The following RPS6KA5 variants were observed in gnomAD, a reference collection of about 807,000 sequenced individuals.
RPS6KA5 encodes ribosomal protein S6 kinase A5.
RPS6KA5 carries 27 observed loss-of-function variants against 85.5 expected under a neutral mutation model. The observed-to-expected ratio is 0.32, with a 90% confidence interval of 0.23 to 0.44. RPS6KA5 has a LOEUF of 0.44. Ranked by LOEUF, RPS6KA5 falls within the 20% of genes least tolerant of loss-of-function variation. The pLI is 1.00. For synonymous variants in RPS6KA5, 334 were observed against 348.2 expected (o/e 0.96, Z 0.46); for missense variants, 811 against 980.9 (o/e 0.83, Z 2.31).
Position 90,863,519 on chromosome 14 carries a change from C to T in RPS6KA5, c.*8555G>A, listed in dbSNP as rs1176266654. On this transcript the variant is annotated 3_prime_UTR_variant, in exon 17 of 17. Transcript: ENST00000614987. ...AAATGAAACTGTCATTATTTACAGA[C>T]GATATAACTGTAGACTTAAAGAAAT... 2.0e-5 allele frequency: 3 copies of T among 150,896 alleles called. No individual in the cohort carries two copies. The highest frequency in any genetic ancestry group is 6.6e-5 in the Admixed American group (1 of 15,180). The allele number at this position is 150,896 out of a possible 1,614,324, so 9.3% of individuals were successfully genotyped here. A position where few individuals can be genotyped will look rare whatever the true frequency, so the allele number is the denominator to read the frequency against.
chr14:90,977,631 T>C (rs1012898287), intron 3 of RPS6KA5, among the ~76,000 whole-genome samples: 5 of 152,206 alleles, frequency 3.3e-5, no homozygotes, highest in African/African-American at 1.2e-4. Flanking sequence ...CTTGTCAGCC[T>C]AAACCTGTTC....
At chr14:91,032,597 A>G (rs1342099951) in intron 1 of RPS6KA5, among the ~76,000 whole-genome samples, 1 of 152,232 alleles carries the variant, frequency 6.6e-6, no homozygotes, top group African/African-American at 2.4e-5. Flanking sequence ...GGGGCAACAC[A>G]TCTAGTTGGA....
At chr14:90,954,465 G>A (rs2038395219) in intron 3 of RPS6KA5, among the ~76,000 whole-genome samples, 1 of 152,214 alleles carries the variant, frequency 6.6e-6, no homozygotes, top group Non-Finnish European at 1.5e-5. Flanking sequence ...CCAGACTGGA[G>A]TGCAGTGGCA....
intron 2 of RPS6KA5, among the ~76,000 whole-genome samples, chr14:90,983,787 T>TC (rs2039917681): frequency 1.5e-4 from 20 of 129,410 alleles, no homozygotes; most frequent in Admixed American, 5.8e-4. Context: ...CTTTCTTTCT[T>TC]TCTCTCTCTC....
chr14:90,887,676 G>A (rs2034311954), intron 14 of RPS6KA5, among the ~76,000 whole-genome samples: 1 of 152,050 alleles, frequency 6.6e-6, no homozygotes, highest in South Asian at 2.1e-4. Flanking sequence ...TTTAAATTAA[G>A]CTGGGCACTG....
rs534025790 is a variant in RPS6KA5 at position 90,917,276 on chromosome 14, G to C, written c.806+2930C>G. ...AAGAAGTACTGCTCACTTAACTTTG[G>C]CATTAAATAAATTGAAACAGTGAGA... On this transcript the variant is annotated intron_variant, in intron 7 of 16. Transcript: ENST00000614987. Among the ~76,000 whole-genome samples the C allele has an allele frequency of 6.6e-5, 10 of 152,272 alleles. No homozygotes were observed. In the South Asian group the frequency reaches 2.1e-3, roughly 32 times the overall value.
intron 1 of RPS6KA5, among the ~76,000 whole-genome samples, chr14:91,011,358 C>T (rs1238429085): frequency 3.4e-4 from 51 of 151,916 alleles, no homozygotes; most frequent in Admixed American, 3.1e-3. Flanking sequence ...TGGTGGCAGG[C>T]GCCTGTAGTC....
intron 7 of RPS6KA5, among the ~76,000 whole-genome samples, chr14:90,907,433 G>GC (rs2035572995): frequency 6.6e-6 from 1 of 152,118 alleles, no homozygotes; most frequent in African/African-American, 2.4e-5. Context: ...GTATTATGAT[G>GC]CTTAAATAAG....
chr14:91,002,824 C>T (rs2040845040), intron 1 of RPS6KA5, among the ~76,000 whole-genome samples: 1 of 152,108 alleles, frequency 6.6e-6, no homozygotes, highest in Non-Finnish European at 1.5e-5. Flanking sequence ...TCTCTCAGCC[C>T]TGGGAACCAC....
intron 2 of RPS6KA5, among the ~76,000 whole-genome samples, chr14:90,979,966 T>A (rs973826353): frequency 1.3e-5 from 2 of 152,222 alleles, no homozygotes; most frequent in Non-Finnish European, 2.9e-5. Flanking sequence ...TCAGACATTC[T>A]GGATCTTAAT....
At chr14:90,945,036 G>A (rs1356109561) in intron 4 of RPS6KA5, among the ~76,000 whole-genome samples, 1 of 151,974 alleles carries the variant, frequency 6.6e-6, no homozygotes, top group African/African-American at 2.4e-5. Context: ...AGGATCATCT[G>A]AGCTCAGGAG....
intron 13 of RPS6KA5, among the ~76,000 whole-genome samples, chr14:90,893,621 ATAT>A (rs1470740111): frequency 1.3e-5 from 2 of 152,254 alleles, no homozygotes; most frequent in Non-Finnish European, 2.9e-5. Context: ...ACTCGAGAAC[ATAT>A]TATAATCACA....
intron 2 of RPS6KA5, among the ~76,000 whole-genome samples, chr14:90,990,555 T>C (rs912298294): frequency 2.0e-5 from 3 of 152,156 alleles, no homozygotes; most frequent in Admixed American, 6.5e-5. Context: ...TAAATCATTC[T>C]ACCAAAAAGA....
chr14:91,023,082 T>TAAAAAAAAAA (rs368649949), intron 1 of RPS6KA5, among the ~76,000 whole-genome samples: 1 of 96,470 alleles, frequency 1.0e-5, no homozygotes, highest in Non-Finnish European at 1.9e-5. Context: ...AAACTCTATC[T>TAAAAAAAAAA]AAAAAAAAAA....
At chr14:90,994,436 T>C (rs2040429081) in intron 2 of RPS6KA5, among the ~76,000 whole-genome samples, 1 of 152,116 alleles carries the variant, frequency 6.6e-6, no homozygotes, top group Admixed American at 6.6e-5. Context: ...AAATCTCTTC[T>C]TAATTAAAAA....
intron 5 of RPS6KA5, among the ~76,000 whole-genome samples, chr14:90,930,710 AAAATGAGC>A (rs1344772932): frequency 6.6e-6 from 1 of 152,244 alleles, no homozygotes; most frequent in Non-Finnish European, 1.5e-5. Flanking sequence ...ACCTGATTTT[AAAATGAGC>A]AAAGGACTCT....
chr14:90,970,605 A>T (rs1165622405), intron 3 of RPS6KA5, among the ~76,000 whole-genome samples: 1 of 152,230 alleles, frequency 6.6e-6, no homozygotes, highest in African/African-American at 2.4e-5. Flanking sequence ...GTTTCAACAA[A>T]ATCACCACTA....
chr14:91,027,216 C>T (rs962330785), intron 1 of RPS6KA5, among the ~76,000 whole-genome samples: 3 of 152,132 alleles, frequency 2.0e-5, no homozygotes, highest in Non-Finnish European at 4.4e-5. Flanking sequence ...CCTAGGTTTT[C>T]TTCTAGGATT....
rs1280612052 is a variant in RPS6KA5, at chr14:91,036,445, TG to T, written c.103+23886del. Among the ~76,000 whole-genome samples the T allele has an allele frequency of 3.3e-5, 5 of 152,164 alleles. No homozygotes were observed. In the East Asian group the frequency reaches 7.7e-4, roughly 23 times the overall value. On this transcript the variant is annotated intron_variant, in intron 1 of 16. Coordinates refer to ENST00000614987, the MANE Select transcript of RPS6KA5 (RefSeq NM_004755.4). ...GTAACAGGATGGATGGATGGGTGGGTGGGTGGATGAATAGGCAGATTAGCTA... is the reference window on the plus strand; with the variant it reads ...GTAACAGGATGGATGGATGGGTGGGTGGTGGATGAATAGGCAGATTAGCTA...
Sources: gnomAD v4.1 joint callset for allele counts (sites outside exome capture counted in the v4.1 genomes callset) on GRCh38, gnomAD v4.1.1 for gene constraint, MANE v1.5 for transcripts, NCBI Gene and HGNC (gene_info 2026-07-23, HGNC 2026-07-21) for gene names.